The following CACNA1C variants were observed in gnomAD, a reference collection of about 807,000 sequenced individuals.
CACNA1C encodes voltage-dependent L-type calcium channel subunit alpha-1C.
CACNA1C carries 30 observed loss-of-function variants against 229.0 expected under a neutral mutation model. The observed-to-expected ratio is 0.13, with a 90% CI of 0.10 to 0.18. CACNA1C has a LOEUF of 0.18. CACNA1C is among the 10% of genes least tolerant of loss of function. The pLI is 1.00. For missense variants in CACNA1C, 1,658 were observed against 2,845.0 expected (o/e 0.58, Z 9.49); for synonymous variants, 1,114 against 1,132.5 (o/e 0.98, Z 0.33).
intron 3 of CACNA1C, among the ~76,000 whole-genome samples, chr12:2,382,353 A>G (rs529392627): frequency 2.3e-4 from 35 of 152,378 alleles, no homozygotes; most frequent in Middle Eastern, 3.4e-3. Context: ...TCAAAGAAGC[A>G]TGCATATTTG....
chr12:2,571,623 T>G (rs2054479855), intron 13 of CACNA1C, among the ~76,000 whole-genome samples: 1 of 152,196 alleles, frequency 6.6e-6, no homozygotes, highest in African/African-American at 2.4e-5. Flanking sequence ...TCAGAGAGCT[T>G]CCTGTAGTCC....
chr12:2,026,677 G>A (rs1005293019), intron 1 of CACNA1C, among the ~76,000 whole-genome samples: 2 of 152,156 alleles, frequency 1.3e-5, no homozygotes, highest in African/African-American at 4.8e-5. Flanking sequence ...TACAAATGGT[G>A]TATGCTTTTC....
At position 2,674,207 on chromosome 12, in the gene CACNA1C, C is replaced by T. The variant is rs539648161; in HGVS notation, c.4727-334C>T. Among the ~76,000 whole-genome samples the T allele has an allele frequency of 3.9e-5, 6 of 152,350 alleles. No individual in the cohort carries two copies. The South Asian group carries it at 1.2e-3, about 32-fold the overall frequency. ...GAGCGCATGGCCGCCATTGTTCCTG[C>T]CCAGGGGCTGGGCTCAGTCTACAAG... On this transcript the variant is annotated intron_variant, in intron 38 of 46. Coordinates refer to ENST00000399655, the MANE Select transcript of CACNA1C (RefSeq NM_000719.7).
chr12:2,391,099 C>T (rs748319354), intron 3 of CACNA1C, among the ~76,000 whole-genome samples: 11 of 152,080 alleles, frequency 7.2e-5, no homozygotes, highest in South Asian at 2.1e-4. Context: ...AGGTGAGGAA[C>T]GCAAAAATGC....
chr12:2,433,509 A>G (rs1440902148), intron 3 of CACNA1C, among the ~76,000 whole-genome samples: 1 of 152,204 alleles, frequency 6.6e-6, no homozygotes, highest in Non-Finnish European at 1.5e-5. Context: ...GCATTCATTC[A>G]TTCATCCATT....
chr12:2,057,666 G>T (rs144750926), intron 1 of CACNA1C, among the ~76,000 whole-genome samples: 2 of 152,180 alleles, frequency 1.3e-5, no homozygotes, highest in African/African-American at 2.4e-5. Flanking sequence ...CCAGTCCGTC[G>T]CAGGCTCTTC....
intron 4 of CACNA1C, among the ~76,000 whole-genome samples, chr12:2,454,551 G>C (rs2099404765): frequency 1.3e-5 from 2 of 151,988 alleles, no homozygotes; most frequent in Admixed American, 1.3e-4. Context: ...TTAGTCTTCT[G>C]TCTGTTTATC....
intron 1 of CACNA1C, among the ~76,000 whole-genome samples, chr12:2,059,906 C>T (rs2056806437): frequency 6.6e-6 from 1 of 152,152 alleles, no homozygotes; most frequent in Admixed American, 6.5e-5. Flanking sequence ...GTAGATCTTT[C>T]AACCTCTCTA....
At chr12:2,196,844 A>G (rs1375224619) in intron 3 of CACNA1C, among the ~76,000 whole-genome samples, 1 of 152,232 alleles carries the variant, frequency 6.6e-6, no homozygotes, top group Non-Finnish European at 1.5e-5. Context: ...GGGTGTGTGC[A>G]GCCACACGAC....
chr12:2,109,091 G>T (rs1367380191), intron 1 of CACNA1C, among the ~76,000 whole-genome samples: 1 of 152,180 alleles, frequency 6.6e-6, no homozygotes, highest in African/African-American at 2.4e-5. Context: ...TCTCTAAATC[G>T]ATGTGGGTGT....
rs1259429109 is a variant in CACNA1C at position 2,602,495 on chromosome 12, CTGTGTGTATG to C, written c.2960+547_2960+556del. On this transcript the variant is annotated intron_variant, in intron 22 of 46. Transcript: ENST00000399655. The surrounding 1 kb of genome is among the most constrained non-coding windows in gnomAD (Gnocchi z 4.4). ...TGTATATGTGGATGTGTGTTTGTGG[CTGTGTGTATG>C]TGTGTGTATGTATGTGTTTGTGTTT... Among the ~76,000 whole-genome samples, 3 of 151,466 alleles carry C rather than the reference CTGTGTGTATG, an allele frequency of 2.0e-5. No homozygotes were observed. The highest frequency in any genetic ancestry group is 4.9e-5 in the African/African-American group (2 of 41,170).
chr12:2,191,986 A>G (rs1368367434), intron 3 of CACNA1C, among the ~76,000 whole-genome samples: 1 of 152,042 alleles, frequency 6.6e-6, no homozygotes, highest in East Asian at 1.9e-4. Context: ...GTGTACACGC[A>G]CGCACACATG....
chr12:2,041,270 C>CCTT lies in CACNA1C; in HGVS notation c.139+70069_139+70070insCTT, dbSNP rs1431120411. On this transcript the variant is annotated intron_variant, in intron 1 of 46. Transcript: ENST00000682462. ...GGGTCACAGTGATGCTAAGGGTATTCTTTTTTTTTTTTTTTTTTTTTTTTG... is the reference window on the plus strand; with the variant it reads ...GGGTCACAGTGATGCTAAGGGTATTCCTTTTTTTTTTTTTTTTTTTTTTTTTTG... Among the ~76,000 whole-genome samples, 52 of 90,988 alleles carry CCTT rather than the reference C, an allele frequency of 5.7e-4. 1 individual carries two copies. Among genetic ancestry groups the CCTT allele is most frequent in the African/African-American group, 2.1e-3 (51 of 23,880 alleles). 59.7% of individuals were successfully genotyped at this position (90,988 alleles called of 152,430 possible).
intron 3 of CACNA1C, among the ~76,000 whole-genome samples, chr12:2,278,172 T>C (rs1294711947): frequency 2.0e-5 from 3 of 152,262 alleles, no homozygotes; most frequent in Non-Finnish European, 4.4e-5. Flanking sequence ...GCCATTTATT[T>C]TTAAAGATGT....
In CACNA1C at chr12:2,493,513, G is replaced by A; in HGVS notation, c.1113+127G>A. On this transcript the variant is annotated intron_variant, in intron 7 of 46. Coordinates refer to ENST00000399655, the MANE Select transcript of CACNA1C (RefSeq NM_000719.7). This position sits in a 1 kb window ranked among gnomAD's most constrained non-coding sequence, Gnocchi z 4.6. ...TACGCATCTTGATGGAATGGTTGAT[G>A]AAGAGCGTCTTTGATTTCTTCCAGG... 1.4e-6 allele frequency: 1 copy of A among 729,900 alleles called. No homozygotes were observed. The allele number at this position is 729,900 out of a possible 1,614,324, so 45.2% of individuals were successfully genotyped here. A position where few individuals can be genotyped will look rare whatever the true frequency, so the allele number is the denominator to read the frequency against.
chr12:2,047,043 C>T (rs1323867641), intron 1 of CACNA1C, among the ~76,000 whole-genome samples: 1 of 152,202 alleles, frequency 6.6e-6, no homozygotes, highest in Non-Finnish European at 1.5e-5. Flanking sequence ...AAGCCTTCTT[C>T]TCTCCTCCAT....
chr12:2,027,671 G>A lies in CACNA1C; in HGVS notation c.139+56470G>A, dbSNP rs185469335. On this transcript the variant is annotated intron_variant, in intron 1 of 46. Transcript: ENST00000682462. ...TAAAGCGGAAAGTCCCTTCCCTGGA[G>A]GCTCACTCTGATCTTTCCAGAGTGA... Among the ~76,000 whole-genome samples the A allele has an allele frequency of 1.5e-3, 221 of 152,262 alleles. 2 individuals carry two copies. The highest frequency in any genetic ancestry group is 7.2e-4 in the Non-Finnish European group (49 of 68,034).
chr12:2,277,652 C>T lies in CACNA1C; in HGVS notation c.477+157222C>T, dbSNP rs555210418. Among the ~76,000 whole-genome samples the T allele has an allele frequency of 9.2e-5, 14 of 152,274 alleles. No homozygotes were observed. In the South Asian group the frequency reaches 1.5e-3, roughly 16 times the overall value. On this transcript the variant is annotated intron_variant, in intron 3 of 46. Transcript: ENST00000399655. The stretch of plus-strand genomic sequence containing the variant: ...TCCTCTTGAAGGTCCCAGTTCAGTG[C>T]GGCTTGAGTCCTTCACCTCTGAGTC...
intron 13 of CACNA1C, among the ~76,000 whole-genome samples, chr12:2,572,600 C>T (rs2056217111): frequency 7.7e-6 from 1 of 130,142 alleles, no homozygotes; most frequent in Non-Finnish European, 1.7e-5. Context: ...TTCTCCTCTC[C>T]TCCTCCTTCT....
Sources: allele counts gnomAD v4.1 joint callset (sites outside exome capture counted in the v4.1 genomes callset), GRCh38; gene constraint gnomAD v4.1.1; non-coding constraint Gnocchi (gnomAD v3.1); transcripts MANE v1.5; gene names NCBI Gene and HGNC (gene_info 2026-07-23, HGNC 2026-07-21).